Variants in RAPGEF1 observed in about 807,000 individuals in gnomAD.
RAPGEF1 encodes CRK SH3-binding GNRP.
RAPGEF1 carries 33 observed loss-of-function variants against 143.3 expected under a neutral mutation model. That is an observed-to-expected ratio of 0.23 (90% confidence interval 0.17 to 0.31). The LOEUF (loss-of-function observed/expected upper bound fraction) is 0.31, where lower values mean the gene tolerates loss of function less well. RAPGEF1 is among the 10% of genes least tolerant of loss of function. RAPGEF1 has a pLI of 1.00. For synonymous variants in RAPGEF1, 629 were observed against 676.5 expected (o/e 0.93, Z 1.09); for missense variants, 1,199 against 1,645.4 (o/e 0.73, Z 4.69).
chr9:131,697,408 C>T (rs1328240977), intron 1 of RAPGEF1, among the ~76,000 whole-genome samples: 1 of 152,256 alleles, frequency 6.6e-6, no homozygotes, highest in African/African-American at 2.4e-5. Flanking sequence ...AGCACAGGAC[C>T]TGCCTCCTGC....
intron 5 of RAPGEF1, among the ~76,000 whole-genome samples, chr9:131,632,344 G>C (rs926805671): frequency 6.7e-6 from 1 of 149,314 alleles, no homozygotes; most frequent in African/African-American, 2.5e-5. Flanking sequence ...TTTCACCGTG[G>C]TCTCGATCTC....
In RAPGEF1 at chr9:131,583,060, CCAGGCACA is replaced by C. The variant is rs977957438; in HGVS notation, c.3415-366_3415-359del. On this transcript the variant is annotated intron_variant, in intron 24 of 26. Transcript: ENST00000683357. This position sits in a 1 kb window ranked among gnomAD's most constrained non-coding sequence, Gnocchi z 4.7. ...TCGGCGGTGCAGCCAGAGGAGCTTC[CCAGGCACA>C]CACTGAGTGGCGTCACTCCTGACTC... 1.3e-5 allele frequency among the ~76,000 whole-genome samples: 2 copies of C among 152,200 alleles called. No homozygotes were observed. Among genetic ancestry groups the C allele is most frequent in the Non-Finnish European group, 2.9e-5 (2 of 68,020 alleles).
intron 1 of RAPGEF1, among the ~76,000 whole-genome samples, chr9:131,727,088 G>C (rs1442125158): frequency 6.6e-6 from 1 of 152,018 alleles, no homozygotes; most frequent in Non-Finnish European, 1.5e-5. Context: ...CCCATAAGGG[G>C]AAGGTTCCCC....
intron 1 of RAPGEF1, among the ~76,000 whole-genome samples, chr9:131,657,792 C>T (rs1025575007): frequency 3.9e-5 from 6 of 152,246 alleles, no homozygotes; most frequent in Non-Finnish European, 5.9e-5. Flanking sequence ...CTCTTCCCTA[C>T]AGGCAGCCCG....
At chr9:131,593,168 T>C (rs985028979) in intron 17 of RAPGEF1, among the ~76,000 whole-genome samples, 3 of 152,212 alleles carry the variant, frequency 2.0e-5, no homozygotes, top group African/African-American at 7.2e-5. Flanking sequence ...TGCCAGCCAC[T>C]GGGCAGGTGT....
At chr9:131,585,512 CCT>C (rs900742033) in intron 22 of RAPGEF1, among the ~76,000 whole-genome samples, 10 of 152,192 alleles carry the variant, frequency 6.6e-5, no homozygotes, top group Non-Finnish European at 1.3e-4. Context: ...GGAGTGTGCC[CCT>C]GAGCTTCTTG....
At chr9:131,618,997 A>C (rs1453553917) in intron 12 of RAPGEF1, 54 bp downstream of exon 12, 5 of 1,308,894 alleles carry the variant, frequency 3.8e-6, no homozygotes, top group Non-Finnish European at 5.1e-6. Context: ...CACGCTTCCA[A>C]GGAACGGCCC....
chr9:131,598,279 C>T lies in RAPGEF1; in HGVS notation c.2533G>A (p.Ala845Thr). 6.2e-7 allele frequency: 1 copy of T among 1,613,974 alleles called. No individual in the cohort carries two copies. The highest frequency in any genetic ancestry group is 8.5e-7 in the Non-Finnish European group (1 of 1,179,888). The change falls in exon 16 of 27, where the codon GCT becomes ACT. Residue 845 changes from alanine to threonine, a missense_variant. By Grantham distance (58) the Ala-to-Thr change is moderately conservative. Coordinates refer to ENST00000683357, the MANE Select transcript of RAPGEF1 (RefSeq NM_001377935.1). ...APKSPDALES[A>T]QSEEEVDELS... ...TCGTCCACTTCCTCCTCCGACTGAG[C>T]CGACTCCAGAGCATCTGGTGACTTT...
At chr9:131,600,802 T>C (rs1956140541) in intron 15 of RAPGEF1, among the ~76,000 whole-genome samples, 1 of 152,148 alleles carries the variant, frequency 6.6e-6, no homozygotes, top group South Asian at 2.1e-4. Context: ...ATTTCACAGG[T>C]GCATACTGGG....
At chr9:131,617,065 C>G (rs969968578) in intron 12 of RAPGEF1, among the ~76,000 whole-genome samples, 1 of 152,164 alleles carries the variant, frequency 6.6e-6, no homozygotes, top group Non-Finnish European at 1.5e-5. Context: ...AAAACTATGA[C>G]GTACTCATAA....
chr9:131,726,028 G>A (rs56065302), intron 1 of RAPGEF1, among the ~76,000 whole-genome samples: 1 of 151,916 alleles, frequency 6.6e-6, no homozygotes, highest in African/African-American at 2.4e-5. Context: ...CAAAGTGCTG[G>A]GATTACAGGT....
intron 17 of RAPGEF1, among the ~76,000 whole-genome samples, chr9:131,594,287 C>A (rs1003754770): frequency 2.6e-5 from 4 of 152,226 alleles, no homozygotes; most frequent in Non-Finnish European, 5.9e-5. Flanking sequence ...CCCTAAAAGG[C>A]CCCGAAATTG....
intron 13 of RAPGEF1, among the ~76,000 whole-genome samples, chr9:131,604,682 T>C (rs1277100074): frequency 6.6e-6 from 1 of 152,222 alleles, no homozygotes; most frequent in Non-Finnish European, 1.5e-5. Flanking sequence ...GATTCCTAGT[T>C]TGATAGAACT....
chr9:131,684,370 T>C (rs1182085643), intron 1 of RAPGEF1, among the ~76,000 whole-genome samples: 1 of 152,234 alleles, frequency 6.6e-6, no homozygotes. Flanking sequence ...CCAGCTTCTA[T>C]TAAAACAATA....
chr9:131,726,983 G>A (rs1836721571), intron 1 of RAPGEF1, among the ~76,000 whole-genome samples: 1 of 152,120 alleles, frequency 6.6e-6, no homozygotes, highest in Non-Finnish European at 1.5e-5. Context: ...TAGCCTGGGT[G>A]ACAGTGTGAC....
At chr9:131,615,042 C>T (rs545194323) in intron 12 of RAPGEF1, among the ~76,000 whole-genome samples, 10 of 152,302 alleles carry the variant, frequency 6.6e-5, no homozygotes, top group Admixed American at 2.0e-4. Context: ...AAAGAAAGAA[C>T]GTACAAGAAA....
rs1588167850 is a variant in RAPGEF1 at position 131,584,729 on chromosome 9, C to G, written c.3234-133G>C. ...GCCCACCCCTACTGAATACCTGCAG[C>G]CTGCCCCAGGCATAGATCTAGTTTC... On this transcript the variant is annotated intron_variant, in intron 22 of 26. Coordinates refer to ENST00000683357, the MANE Select transcript of RAPGEF1 (RefSeq NM_001377935.1). This position sits in a 1 kb window ranked among gnomAD's most constrained non-coding sequence, Gnocchi z 6.8. 1.3e-6 allele frequency: 1 copy of G among 758,312 alleles called. No homozygotes were observed. The highest frequency in any genetic ancestry group is 2.6e-5 in the East Asian group (1 of 38,576). 47.0% of individuals were successfully genotyped at this position (758,312 alleles called of 1,614,324 possible).
chr9:131,635,078 A>G (rs976614792), intron 5 of RAPGEF1, among the ~76,000 whole-genome samples: 1 of 152,130 alleles, frequency 6.6e-6, no homozygotes, highest in East Asian at 1.9e-4. Context: ...CTTTTACCTG[A>G]GATGATAAGA....
chr9:131,587,865 C>G (rs1953434807), intron 21 of RAPGEF1, 35 bp from the exon 22 acceptor site: 1 of 1,604,772 alleles, frequency 6.2e-7, no homozygotes, highest in East Asian at 2.2e-5. Flanking sequence ...GAGGTGGAGC[C>G]CCGGCTTTCC....
Sources: allele counts gnomAD v4.1 joint callset (sites outside exome capture counted in the v4.1 genomes callset), GRCh38; gene constraint gnomAD v4.1.1; non-coding constraint Gnocchi (gnomAD v3.1); transcripts MANE v1.5; gene names NCBI Gene and HGNC (gene_info 2026-07-23, HGNC 2026-07-21).